Variants in EIF2S3 observed in about 807,000 individuals in gnomAD.
EIF2S3 encodes the protein eukaryotic translation initiation factor 2 subunit gamma, also known as eukaryotic translation initiation factor 2 subunit 3.
A neutral mutation model predicts 31.7 loss-of-function variants in EIF2S3; 2 were observed. That is an observed-to-expected ratio of 0.06 (90% CI 0.03 to 0.20). The LOEUF (loss-of-function observed/expected upper bound fraction) is 0.20, where lower values mean the gene tolerates loss of function less well. Ranked by LOEUF, EIF2S3 falls within the 10% of genes least tolerant of loss-of-function variation. EIF2S3 has a pLI of 1.00. For synonymous variants in EIF2S3, 120 were observed against 126.7 expected (o/e 0.95, Z 0.36); for missense variants, 96 against 359.3 (o/e 0.27, Z 5.92).
At chrX:24,072,688 T>TC (rs949928421) in intron 10 of EIF2S3, among the ~76,000 whole-genome samples, 28 of 110,759 alleles carry the variant, frequency 2.5e-4, no homozygotes, top group Admixed American at 2.5e-3. Flanking sequence ...TGCTTTTTTT[T>TC]CCCCCCACTC....
At chrX:24,066,242 A>G (rs1316639841) in intron 8 of EIF2S3, 150 bp downstream of exon 8, 1 of 386,462 alleles carries the variant, frequency 2.6e-6, no homozygotes, top group African/African-American at 2.6e-5. Flanking sequence ...TTTGATGTAG[A>G]GTTCTCTTTT....
intron 2 of EIF2S3, 77 bp from the exon 3 acceptor site, chrX:24,057,344 A>G: frequency 8.9e-7 from 1 of 1,122,003 alleles, no homozygotes; most frequent in Non-Finnish European, 1.2e-6. Flanking sequence ...TGGGTTTTCT[A>G]CTCTTAACAC....
chrX:24,064,017 G>T (rs1201189570), intron 6 of EIF2S3, among the ~76,000 whole-genome samples, 184 bp from the exon 7 acceptor site: 1 of 111,910 alleles, frequency 8.9e-6, no homozygotes, highest in Non-Finnish European at 1.9e-5. Flanking sequence ...ATTTTCAGGA[G>T]TAAAAACAAA....
rs761773962 is a variant in EIF2S3, at chrX:24,076,843, A to G, written c.*58A>G. 35 of 1,042,067 alleles carry G rather than the reference A, an allele frequency of 3.4e-5. No homozygotes were observed. The African/African-American group carries it at 6.5e-4, about 19-fold the overall frequency. The allele number at this position is 1,042,067 out of a possible 1,213,427, so 85.9% of individuals were successfully genotyped here. On this transcript the variant is annotated 3_prime_UTR_variant, in exon 12 of 12. Transcript: ENST00000253039. The stretch of plus-strand genomic sequence containing the variant: ...TTTGGAAGTTGGAATTCCTCTTAAC[A>G]ACCAAGGGGTTTATTTTCAAAGCAA...
At chrX:24,073,826 G>T (rs1045277917) in intron 11 of EIF2S3, among the ~76,000 whole-genome samples, 4 of 112,218 alleles carry the variant, frequency 3.6e-5, no homozygotes, top group Admixed American at 2.9e-4. Context: ...ATTGGCTTTG[G>T]AAATCATTTC....
chrX:24,065,215 ATCTC>A (rs1251529324), intron 7 of EIF2S3, among the ~76,000 whole-genome samples: 1 of 111,819 alleles, frequency 8.9e-6, no homozygotes, highest in East Asian at 2.8e-4. Context: ...AATGTCCATA[ATCTC>A]TCTGTCTTCA....
At chrX:24,071,955 A>G (rs1930677624) in intron 10 of EIF2S3, among the ~76,000 whole-genome samples, 1 of 108,349 alleles carries the variant, frequency 9.2e-6, no homozygotes, top group Non-Finnish European at 1.9e-5. Flanking sequence ...GGCTCACGGC[A>G]ACCTCCACCT....
chrX:24,063,641 AC>A (rs1348365995), intron 6 of EIF2S3, among the ~76,000 whole-genome samples: 2 of 110,766 alleles, frequency 1.8e-5, no homozygotes, highest in African/African-American at 6.6e-5. Context: ...GCTTGGTGGC[AC>A]ACACCTGTGT....
chrX:24,071,390 C>T (rs369442172), intron 9 of EIF2S3, among the ~76,000 whole-genome samples, 168 bp from the exon 10 acceptor site: 7 of 110,617 alleles, frequency 6.3e-5, no homozygotes, highest in Non-Finnish European at 1.3e-4. Flanking sequence ...AGGGTTTCAC[C>T]GTGTTGCCCA....
intron 9 of EIF2S3, among the ~76,000 whole-genome samples, chrX:24,070,181 T>C (rs1304756183): frequency 9.9e-6 from 1 of 100,803 alleles, no homozygotes; most frequent in Admixed American, 1.1e-4. Flanking sequence ...ACCCTGTCTC[T>C]ACTAAAAATA....
intron 1 of EIF2S3, 136 bp downstream of exon 1, chrX:24,055,173 G>A: frequency 1.4e-6 from 1 of 717,430 alleles, no homozygotes; most frequent in Non-Finnish European, 2.0e-6. Context: ...GGAACTGGGC[G>A]CCCTAAGCCA....
At chrX:24,057,309 G>A in intron 2 of EIF2S3, 112 bp from the exon 3 acceptor site, 2 of 965,016 alleles carry the variant, frequency 2.1e-6, no homozygotes, top group South Asian at 5.1e-5. Flanking sequence ...GATTACTGGC[G>A]TGAGCCACCG....
At chrX:24,075,184 A>G (rs1357733106) in intron 11 of EIF2S3, among the ~76,000 whole-genome samples, 1 of 109,262 alleles carries the variant, frequency 9.2e-6, no homozygotes, top group Non-Finnish European at 1.9e-5. Flanking sequence ...TTTTTTTTGG[A>G]ACATTTCCTT....
intron 4 of EIF2S3, among the ~76,000 whole-genome samples, chrX:24,058,449 G>C (rs1930436573): frequency 9.0e-6 from 1 of 110,819 alleles, no homozygotes; most frequent in Admixed American, 9.6e-5. Flanking sequence ...CTTTGGCTCA[G>C]CATGGCATTG....
intron 2 of EIF2S3, among the ~76,000 whole-genome samples, chrX:24,056,362 G>A (rs775639583): frequency 8.9e-6 from 1 of 111,812 alleles, no homozygotes; most frequent in Admixed American, 9.6e-5. Context: ...TGACCTTGGA[G>A]CATAACCTAA....
intron 6 of EIF2S3, among the ~76,000 whole-genome samples, chrX:24,063,690 G>A (rs761582088): frequency 2.7e-5 from 3 of 110,311 alleles, no homozygotes; most frequent in African/African-American, 6.6e-5. Context: ...TGGGAGGATC[G>A]CTTGGGCCTG....
At chrX:24,067,249 G>T (rs987843553) in intron 8 of EIF2S3, among the ~76,000 whole-genome samples, 2 of 110,874 alleles carry the variant, frequency 1.8e-5, no homozygotes, top group African/African-American at 6.6e-5. Context: ...TATTGGCCAG[G>T]CTGGTCTCTT....
At chrX:24,069,123 T>A (rs1466785634) in intron 9 of EIF2S3, among the ~76,000 whole-genome samples, 2 of 111,406 alleles carry the variant, frequency 1.8e-5, no homozygotes, top group Non-Finnish European at 3.8e-5. Context: ...GTCTCATGCC[T>A]GTGATCCCAG....
intron 9 of EIF2S3, among the ~76,000 whole-genome samples, chrX:24,070,371 C>A (rs762908214): frequency 2.8e-5 from 3 of 105,537 alleles, no homozygotes; most frequent in African/African-American, 1.0e-4. Context: ...ATCTATATAT[C>A]TTCTTTCCCC....
Sources: allele counts gnomAD v4.1 joint callset (sites outside exome capture counted in the v4.1 genomes callset), GRCh38; gene constraint gnomAD v4.1.1; transcripts MANE v1.5; gene names NCBI Gene and HGNC (gene_info 2026-07-23, HGNC 2026-07-21).